ISX: variants seen among roughly 807,000 people sequenced by gnomAD.
The protein encoded by ISX is intestine-specific homeobox.
ISX carries 15 observed loss-of-function variants against 16.9 expected under a neutral mutation model. The observed-to-expected ratio is 0.89, with a 90% CI of 0.59 to 1.36. ISX has a LOEUF of 1.36. Ranked by LOEUF, ISX falls within the 40% of genes most tolerant of loss-of-function variation. ISX has a pLI of 0.00. For missense variants in ISX, 316 were observed against 306.1 expected, an observed-to-expected ratio of 1.03 and a Z score of -0.24; for synonymous variants, 125 against 119.7, an observed-to-expected ratio of 1.04 and a Z score of -0.29.
Position 35,067,112 on chromosome 22 carries a change from C to T in ISX, c.25C>T (p.Leu9Phe). 1.9e-6 allele frequency: 3 copies of T among 1,613,790 alleles called. No individual in the cohort carries two copies. The highest frequency in any genetic ancestry group is 2.5e-6 in the Non-Finnish European group (3 of 1,179,826). ...AATGTGTGCTGAGGTGGGCCCTGCT[C>T]TCTGCAGGGGTATGGAGAGAAATAG... MCAEVGPA[L>F]CRGMERNSLG... The change falls in exon 2 of 5, where the codon CTC becomes TTC. Residue 9 changes from leucine (L) to phenylalanine (F), a missense_variant. Physicochemically the swap from Leu to Phe is conservative, Grantham distance 22 (BLOSUM62 0). Coordinates refer to ENST00000404699, the MANE Select transcript of ISX (RefSeq NM_001303508.2).
At position 35,084,405 on chromosome 22, in the gene ISX, C is replaced by A. The variant is rs1929195904; in HGVS notation, c.404C>A (p.Ala135Asp). The A allele has an allele frequency of 6.2e-7, 1 of 1,613,644 alleles. No homozygotes were observed. The highest frequency in any genetic ancestry group is 1.7e-5 in the Admixed American group (1 of 59,964). ...CAGATCTGGTTCCAGAATCAGCGAG[C>A]CAAGTGGCGGAAGCAGGAGAAGATT... Reference protein sequence around the residue: ...RVQIWFQNQRAKWRKQEKIGN... With the variant: ...RVQIWFQNQRDKWRKQEKIGN... Residue 135 changes from alanine (A) to aspartate (D), a missense_variant, in exon 4 of 5, where the codon GCC becomes GAC. Ala to Asp is a moderately radical substitution (Grantham distance 126). Transcript: ENST00000404699.
At chr22:35,085,333 A>T (rs1929224971) in intron 4 of ISX, 121 bp from the exon 5 acceptor site, 2 of 1,257,330 alleles carry the variant, frequency 1.6e-6, no homozygotes, top group African/African-American at 1.5e-5. Context: ...GGTCCTGAGC[A>T]AACCAGAACA....
intron 3 of ISX, 98 bp downstream of exon 3, chr22:35,082,767 AG>A (rs1466757085): frequency 1.6e-5 from 21 of 1,304,496 alleles, no homozygotes; most frequent in Non-Finnish European, 2.1e-5. Flanking sequence ...CCCATCTAAA[AG>A]TTTCTGTTGG....
intron 4 of ISX, 91 bp downstream of exon 4, chr22:35,084,590 C>G: frequency 1.3e-6 from 1 of 785,420 alleles, no homozygotes; most frequent in Non-Finnish European, 2.1e-6. Context: ...ACCTCGGGGG[C>G]TCTGTCTACA....
At chr22:35,084,349 C>T (rs1601562240) in intron 3 of ISX, 34 bp from the exon 4 acceptor site, 1 of 1,461,556 alleles carries the variant, frequency 6.8e-7, no homozygotes, top group Non-Finnish European at 9.6e-7. Flanking sequence ...GAGGAAAACT[C>T]TTGCTTATCC....
intron 2 of ISX, among the ~76,000 whole-genome samples, chr22:35,080,059 T>C (rs1278287785): frequency 1.3e-5 from 2 of 152,188 alleles, no homozygotes; most frequent in Non-Finnish European, 2.9e-5. Flanking sequence ...TTGGTCTCTC[T>C]GCAGCATGGA....
intron 2 of ISX, among the ~76,000 whole-genome samples, chr22:35,071,552 C>A (rs1928853572): frequency 6.6e-6 from 1 of 152,118 alleles, no homozygotes; most frequent in African/African-American, 2.4e-5. Context: ...GTGTAATGTC[C>A]CTTTCTCTTA....
intron 2 of ISX, among the ~76,000 whole-genome samples, chr22:35,068,272 G>A (rs1928759664): frequency 6.6e-6 from 1 of 152,154 alleles, no homozygotes; most frequent in South Asian, 2.1e-4. Flanking sequence ...ATGCTGGAAA[G>A]GAAGCTCAGG....
At chr22:35,073,493 G>A (rs1371736639) in intron 2 of ISX, among the ~76,000 whole-genome samples, 2 of 152,194 alleles carry the variant, frequency 1.3e-5, no homozygotes, top group Non-Finnish European at 1.5e-5. Context: ...ATCTAATGCT[G>A]CCACTGATCT....
At chr22:35,069,101 T>G (rs956699680) in intron 2 of ISX, among the ~76,000 whole-genome samples, 1 of 152,232 alleles carries the variant, frequency 6.6e-6, no homozygotes, top group Non-Finnish European at 1.5e-5. Flanking sequence ...ATGATCTAGC[T>G]CAATAGTCCT....
chr22:35,066,705 A>T (rs1480835565), intron 1 of ISX, 47 bp from the exon 2 acceptor site: 1 of 195,232 alleles, frequency 5.1e-6, no homozygotes, highest in Non-Finnish European at 1.1e-5. Context: ...CCTGTGCCTT[A>T]TTGTTTCTCC....
chr22:35,070,943 C>A (rs1928835817), intron 2 of ISX, among the ~76,000 whole-genome samples: 1 of 152,160 alleles, frequency 6.6e-6, no homozygotes, highest in Non-Finnish European at 1.5e-5. Context: ...CATCTGTAGA[C>A]AATGTGTAAA....
At chr22:35,070,446 A>C (rs560794094) in intron 2 of ISX, among the ~76,000 whole-genome samples, 1 of 152,358 alleles carries the variant, frequency 6.6e-6, no homozygotes, top group East Asian at 1.9e-4. Flanking sequence ...CCATCTTTGC[A>C]TCTCTACCAC....
chr22:35,081,400 C>A (rs766777349), intron 2 of ISX, among the ~76,000 whole-genome samples: 1 of 152,132 alleles, frequency 6.6e-6, no homozygotes, highest in Non-Finnish European at 1.5e-5. Flanking sequence ...TAGAAGGAGG[C>A]CCTGAGAGTG....
chr22:35,072,747 A>C (rs62241660), intron 2 of ISX, among the ~76,000 whole-genome samples: 6,873 of 152,316 alleles, frequency 0.045, 229 homozygotes, highest in South Asian at 0.1. Flanking sequence ...CGTGCCAGGC[A>C]TACCTATTGC....
chr22:35,083,639 G>A (rs1929176055), intron 3 of ISX, among the ~76,000 whole-genome samples: 1 of 152,314 alleles, frequency 6.6e-6, no homozygotes, highest in South Asian at 2.1e-4. Flanking sequence ...TTCCACAAAT[G>A]TGATGGACTC....
chr22:35,069,659 C>T (rs1185129372), intron 2 of ISX, among the ~76,000 whole-genome samples: 1 of 152,156 alleles, frequency 6.6e-6, no homozygotes, highest in African/African-American at 2.4e-5. Flanking sequence ...CTCTCCCTAC[C>T]CTCACAGGAG....
At position 35,082,530 on chromosome 22, in the gene ISX, G is replaced by C. The variant is rs1369780667; in HGVS notation, c.242G>C (p.Ser81Thr). 1 of 1,614,034 alleles carries C rather than the reference G, an allele frequency of 6.2e-7. No individual in the cohort carries two copies. The highest frequency in any genetic ancestry group is 1.1e-5 in the South Asian group (1 of 91,062). The change falls in exon 3 of 5, where the codon AGC becomes ACC. Residue 81 changes from serine (S) to threonine (T), a missense_variant. By Grantham distance (58) the Ser-to-Thr change is moderately conservative (BLOSUM62 1). Transcript: ENST00000404699. ...PKDQPQEGRK[S>T]KRRVRTTFTT... Reference sequence around the variant, plus strand: ...CTCTCCCATGCAGAAGGAAGGAAGAGCAAGCGGAGGGTTCGTACCACCTTC... The same window carrying C: ...CTCTCCCATGCAGAAGGAAGGAAGACCAAGCGGAGGGTTCGTACCACCTTC...
intron 2 of ISX, among the ~76,000 whole-genome samples, chr22:35,069,109 C>T (rs1048365983): frequency 1.3e-5 from 2 of 152,150 alleles, no homozygotes; most frequent in Non-Finnish European, 2.9e-5. Context: ...GCTCAATAGT[C>T]CTGTAATTAC....
Sources: allele counts gnomAD v4.1 joint callset (sites outside exome capture counted in the v4.1 genomes callset), GRCh38; gene constraint gnomAD v4.1.1; transcripts MANE v1.5; gene names NCBI Gene and HGNC (gene_info 2026-07-23, HGNC 2026-07-21).